Variants in KIAA0930 observed in about 807,000 individuals in gnomAD.
KIAA0930 encodes the protein uncharacterized protein KIAA0930.
A neutral mutation model predicts 43.9 loss-of-function variants in KIAA0930; 24 were observed. The ratio of observed to expected loss-of-function variants is 0.55; its 90% CI spans 0.40 to 0.77. The LOEUF (loss-of-function observed/expected upper bound fraction) is 0.77, where lower values mean the gene tolerates loss of function less well. Among genes scored for constraint, KIAA0930 ranks in the 30% least tolerant of loss-of-function variants. KIAA0930 has a pLI of 0.00. For synonymous variants in KIAA0930, 259 were observed against 216.4 expected (o/e 1.20, Z -1.73); for missense variants, 461 against 574.2 (o/e 0.80, Z 2.02).
At chr22:45,216,862 G>A (rs764724267) in intron 1 of KIAA0930, among the ~76,000 whole-genome samples, 3 of 152,056 alleles carry the variant, frequency 2.0e-5, no homozygotes, top group East Asian at 1.9e-4. Context: ...CTGTGCTCAC[G>A]GCCCTGCCTT....
intron 1 of KIAA0930, among the ~76,000 whole-genome samples, chr22:45,224,518 G>A (rs543644181): frequency 1.0e-3 from 154 of 151,942 alleles, no homozygotes; most frequent in Admixed American, 3.5e-3. Flanking sequence ...CGGCTCCCGC[G>A]GTTGGAAGCT....
chr22:45,203,254 A>G (rs2083605942), intron 6 of KIAA0930, 70 bp from the exon 7 acceptor site: 1 of 1,453,536 alleles, frequency 6.9e-7, no homozygotes, highest in South Asian at 1.3e-5. Flanking sequence ...TCCCCAGGAC[A>G]TGAACAGCCA....
chr22:45,223,287 A>T (rs1416165081), intron 1 of KIAA0930, among the ~76,000 whole-genome samples: 1 of 152,224 alleles, frequency 6.6e-6, no homozygotes, highest in Non-Finnish European at 1.5e-5. Flanking sequence ...AAAAATGGAG[A>T]GCAGACCAAT....
intron 6 of KIAA0930, among the ~76,000 whole-genome samples, chr22:45,203,540 G>T (rs1569073223): frequency 1.3e-5 from 2 of 152,146 alleles, no homozygotes; most frequent in Admixed American, 1.3e-4. Context: ...GGAAGCAAGT[G>T]ACAGTGAGGA....
chr22:45,203,857 C>T lies in KIAA0930; in HGVS notation c.645G>A (p.Val215=). The change falls in exon 6 of 10, where the codon GTG becomes GTA. Residue 215 remains valine (V), a synonymous_variant. Coordinates refer to ENST00000336156, the MANE Select transcript of KIAA0930 (RefSeq NM_001009880.2). The stretch of plus-strand genomic sequence containing the variant: ...GCCCCGCACTCACCCGGTTGTCATA[C>T]ACCTTCTTGAGCGCCTCGTAGCGGA... ...GSIRYEALKK[V]YDNRVSVAAR... 1.9e-6 allele frequency: 3 copies of T among 1,614,024 alleles called. No individual in the cohort carries two copies. The highest frequency in any genetic ancestry group is 1.7e-5 in the Admixed American group (1 of 60,014).
At chr22:45,221,278 G>C (rs550469247) in intron 1 of KIAA0930, among the ~76,000 whole-genome samples, 1 of 152,310 alleles carries the variant, frequency 6.6e-6, no homozygotes, top group East Asian at 1.9e-4. Flanking sequence ...TTCCATGAAA[G>C]TCCAGAGAGA....
chr22:45,220,029 C>CCA (rs143089999), intron 1 of KIAA0930, among the ~76,000 whole-genome samples: 2,591 of 152,120 alleles, frequency 0.017, 66 homozygotes, highest in African/African-American at 0.06. Context: ...ATTTCGAAGA[C>CCA]CACACACACA....
intron 1 of KIAA0930, among the ~76,000 whole-genome samples, chr22:45,238,163 T>G (rs1179448658): frequency 6.6e-6 from 1 of 151,856 alleles, no homozygotes; most frequent in Non-Finnish European, 1.5e-5. Flanking sequence ...CCTGACCTCA[T>G]GATCCGCCCG....
At chr22:45,200,281 G>T in intron 7 of KIAA0930, 1 of 425,764 alleles carries the variant, frequency 2.3e-6, no homozygotes, top group Non-Finnish European at 4.1e-6. Context: ...CCAGGCTGCT[G>T]CCGCAAATGG....
chr22:45,203,775 G>C, intron 6 of KIAA0930, 70 bp downstream of exon 6: 2 of 1,548,806 alleles, frequency 1.3e-6, no homozygotes, highest in Non-Finnish European at 1.7e-6. Context: ...CCATGGTATG[G>C]ACCACGGTGG....
intron 6 of KIAA0930, 107 bp downstream of exon 6, chr22:45,203,738 T>A: frequency 7.5e-7 from 1 of 1,327,072 alleles, no homozygotes; most frequent in Non-Finnish European, 1.0e-6. Context: ...TGGCGGCCGC[T>A]ACCATGCACA....
At chr22:45,215,488 GA>G (rs1288456141) in intron 1 of KIAA0930, among the ~76,000 whole-genome samples, 10 of 152,098 alleles carry the variant, frequency 6.6e-5, no homozygotes, top group Non-Finnish European at 1.3e-4. Flanking sequence ...TTACTCATGA[GA>G]AAAAATAATA....
intron 2 of KIAA0930, among the ~76,000 whole-genome samples, chr22:45,206,163 G>A (rs1049737461): frequency 2.0e-5 from 3 of 152,174 alleles, no homozygotes; most frequent in African/African-American, 7.2e-5. Flanking sequence ...CCACAGGCAC[G>A]TGCTACCACA....
intron 1 of KIAA0930, among the ~76,000 whole-genome samples, chr22:45,228,206 G>T (rs1368584437): frequency 6.6e-6 from 1 of 152,094 alleles, no homozygotes; most frequent in Non-Finnish European, 1.5e-5. Flanking sequence ...CTTCACTTCT[G>T]ATGTCCCCGA....
intron 1 of KIAA0930, among the ~76,000 whole-genome samples, chr22:45,225,987 C>T (rs1433518524): frequency 6.6e-6 from 1 of 152,236 alleles, no homozygotes; most frequent in Non-Finnish European, 1.5e-5. Flanking sequence ...AGGCTTGTCA[C>T]ACTGGCCCCT....
intron 1 of KIAA0930, among the ~76,000 whole-genome samples, chr22:45,229,011 C>T (rs1280263094): frequency 8.8e-5 from 2 of 22,642 alleles, no homozygotes; most frequent in Admixed American, 4.3e-4. Flanking sequence ...CCCACACCAC[C>T]AAACACTCAC....
Position 45,227,532 on chromosome 22 carries a change from CCTG to C in KIAA0930, c.64+13105_64+13107del, listed in dbSNP as rs1454835383. 3.3e-5 allele frequency among the ~76,000 whole-genome samples: 5 copies of C among 152,298 alleles called. No individual in the cohort carries two copies. The East Asian group carries it at 5.8e-4, about 18-fold the overall frequency. On this transcript the variant is annotated intron_variant, in intron 1 of 9. Transcript: ENST00000336156. ...TCCAGGACAATTAGGTCCAACATCC[CCTG>C]CTGCTATGGGACCCTGCACAAGTGC...
chr22:45,225,980 C>G (rs2083797279), intron 1 of KIAA0930, among the ~76,000 whole-genome samples: 1 of 152,244 alleles, frequency 6.6e-6, no homozygotes, highest in South Asian at 2.1e-4. Context: ...ACACTGCAGG[C>G]TTGTCACACT....
intron 7 of KIAA0930, among the ~76,000 whole-genome samples, chr22:45,201,298 C>T (rs1165200067): frequency 1.3e-5 from 2 of 152,232 alleles, no homozygotes; most frequent in Non-Finnish European, 2.9e-5. Flanking sequence ...TCCCCAGGGG[C>T]CAGCCCTGCT....
Sources: gnomAD v4.1 joint callset for allele counts (sites outside exome capture counted in the v4.1 genomes callset) on GRCh38, gnomAD v4.1.1 for gene constraint, MANE v1.5 for transcripts, NCBI Gene and HGNC (gene_info 2026-07-23, HGNC 2026-07-21) for gene names.